The following SPATA31E1 variants were observed in gnomAD, a reference collection of about 807,000 sequenced individuals.
The protein encoded by SPATA31E1 is spermatogenesis-associated protein 31E1.
SPATA31E1 carries 7 observed loss-of-function variants against 12.9 expected under a neutral mutation model. The observed-to-expected ratio is 0.54, with a 90% CI of 0.31 to 1.02. The LOEUF is 1.02. SPATA31E1 is among the 50% of genes least tolerant of loss of function. SPATA31E1 has a pLI of 0.05. For missense variants in SPATA31E1, 1,961 were observed against 1,799.8 expected (o/e 1.09, Z -1.62); for synonymous variants, 771 against 719.0 (o/e 1.07, Z -1.16).
In SPATA31E1 at chr9:87,886,581, C is replaced by T; in HGVS notation, c.2094C>T (p.Ser698=). Residue 698 remains serine (S), a synonymous_variant, in exon 4 of 4, where the codon AGC becomes AGT. Transcript: ENST00000325643. The part of the protein sequence containing the change: ...RKDVQKTGFR[S]SGRFSDKGCL... ...ATGTGCAGAAGACCGGGTTCAGGAG[C>T]TCCGGAAGGTTCTCTGACAAGGGGT... 2.5e-6 allele frequency: 4 copies of T among 1,614,086 alleles called. No homozygotes were observed. The highest frequency in any genetic ancestry group is 3.4e-6 in the Non-Finnish European group (4 of 1,180,036).
rs199731518 is a variant in SPATA31E1, at chr9:87,888,591, T to C, written c.4104T>C (p.Arg1368=). 1.5e-5 allele frequency: 25 copies of C among 1,613,450 alleles called. No homozygotes were observed. In the East Asian group the frequency reaches 5.1e-4, roughly 33 times the overall value. ...ACAGGGGTCACTGCCACCAAGAACG[T>C]AGCAGAGAGATGAGAGCTCTGGCCT... ...CCHRGHCHQE[R]SREMRALACS... The change falls in exon 4 of 4, where the codon CGT becomes CGC. Residue 1368 remains arginine, a synonymous_variant. Coordinates refer to ENST00000325643, the MANE Select transcript of SPATA31E1 (RefSeq NM_178828.5).
chr9:87,887,693 C>T lies in SPATA31E1; in HGVS notation c.3206C>T (p.Ala1069Val), dbSNP rs1329090101. ...SVQEDLRSTG[A>V]LGTTGNPSAS... ...CAGGAGGATCTGAGGAGCACAGGGG[C>T]TCTGGGGACCACTGGTAACCCCTCA... is the stretch of plus-strand genomic sequence containing the variant. Residue 1069 changes from alanine (A) to valine (V), a missense_variant, in exon 4 of 4, where the codon GCT becomes GTT. Ala to Val is a moderately conservative substitution (Grantham distance 64). Transcript: ENST00000325643. The T allele has an allele frequency of 6.2e-7, 1 of 1,614,146 alleles. No homozygotes were observed. The highest frequency in any genetic ancestry group is 1.7e-5 in the Admixed American group (1 of 60,038).
At position 87,883,209 on chromosome 9, in the gene SPATA31E1, T is replaced by C. The variant is rs1247962393; in HGVS notation, c.309+9T>C. On this transcript the variant is annotated intron_variant, in intron 1 of 3. Transcript: ENST00000325643. ...AGAGGAGCAGCAGGGAGGTAAGGAGTCCTCAGCCCAGCCCCACAGAGAAAG... is the reference window on the plus strand; with the variant it reads ...AGAGGAGCAGCAGGGAGGTAAGGAGCCCTCAGCCCAGCCCCACAGAGAAAG... The C allele has an allele frequency of 6.4e-7, 1 of 1,564,986 alleles. No individual in the cohort carries two copies. The highest frequency in any genetic ancestry group is 8.7e-7 in the Non-Finnish European group (1 of 1,149,920).
In SPATA31E1 at chr9:87,886,771, G is replaced by A. The variant is rs777849330; in HGVS notation, c.2284G>A (p.Glu762Lys). 1 of 1,614,050 alleles carries A rather than the reference G, an allele frequency of 6.2e-7. No homozygotes were observed. The highest frequency in any genetic ancestry group is 8.5e-7 in the Non-Finnish European group (1 of 1,180,026). Residue 762 changes from glutamate (E) to lysine (K), a missense_variant, in exon 4 of 4, where the codon GAA becomes AAA. Coordinates refer to ENST00000325643, the MANE Select transcript of SPATA31E1 (RefSeq NM_178828.5). ...CAGGGACCCAGACAAGGAGCATCTG[G>A]AAAACAAGCTGCAAATCCATCTGGC... ...TPRDPDKEHL[E>K]NKLQIHLARK...
Position 87,883,209 on chromosome 9 carries a change from T to G in SPATA31E1, c.309+9T>G, listed in dbSNP as rs1247962393. ...AGAGGAGCAGCAGGGAGGTAAGGAG[T>G]CCTCAGCCCAGCCCCACAGAGAAAG... On this transcript the variant is annotated intron_variant, in intron 1 of 3. Coordinates refer to ENST00000325643, the MANE Select transcript of SPATA31E1 (RefSeq NM_178828.5). 2 of 1,564,870 alleles carry G rather than the reference T, an allele frequency of 1.3e-6. No individual in the cohort carries two copies. The highest frequency in any genetic ancestry group is 8.7e-7 in the Non-Finnish European group (1 of 1,149,928).
In SPATA31E1 at chr9:87,886,997, T is replaced by A. The variant is rs775758867; in HGVS notation, c.2510T>A (p.Val837Glu). 6 of 1,614,006 alleles carry A rather than the reference T, an allele frequency of 3.7e-6. No individual in the cohort carries two copies. In the East Asian group the frequency reaches 1.1e-4, roughly 30 times the overall value. The change falls in exon 4 of 4, where the codon GTA becomes GAA. Residue 837 changes from valine (V) to glutamate (E), a missense_variant. Physicochemically the swap from Val to Glu is moderately radical, Grantham distance 121 (BLOSUM62 -2). Transcript: ENST00000325643. ...CCCTGCACCCAGCAGATACTGGAAG[T>A]ACATCTTGTAAGGTTCTGTGTGAGG... ...LHPCTQQILE[V>E]HLVRFCVRHS...
In SPATA31E1 at chr9:87,887,281, A is replaced by AG; in HGVS notation, c.2796dup (p.Pro933AlafsTer9). ...ACCGCCTGAGCAGGAGGGAGTCCAG[A>AG]GGCCCCCGAGAGGGTCCCAGTCAGC... On this transcript the variant is annotated frameshift_variant, in exon 4 of 4. Coordinates refer to ENST00000325643, the MANE Select transcript of SPATA31E1 (RefSeq NM_178828.5). LOFTEE classifies it low-confidence loss of function (END_TRUNC). 6.2e-7 allele frequency: 1 copy of AG among 1,613,892 alleles called. No individual in the cohort carries two copies. The highest frequency in any genetic ancestry group is 8.5e-7 in the Non-Finnish European group (1 of 1,179,996).
In SPATA31E1 at chr9:87,885,390, TC is replaced by T; in HGVS notation, c.906del (p.Ile303SerfsTer49). 1 of 1,613,858 alleles carries T rather than the reference TC, an allele frequency of 6.2e-7. No homozygotes were observed. Among genetic ancestry groups the T allele is most frequent in the Non-Finnish European group, 8.5e-7 (1 of 1,179,892 alleles). ...VISGLGCSSD[P>X]IWDLYCWREA... ...TCTCTGGCCTGGGGTGCTCCAGCGA[TC>T]CCATCTGGGACCTCTATTGCTGGAG... On this transcript the variant is annotated frameshift_variant, in exon 4 of 4. Transcript: ENST00000325643. LOFTEE classifies it low-confidence loss of function (END_TRUNC).
At position 87,885,885 on chromosome 9, in the gene SPATA31E1, A is replaced by G; in HGVS notation, c.1398A>G (p.Ala466=). Residue 466 remains alanine (A), a synonymous_variant, in exon 4 of 4, where the codon GCA becomes GCG. Transcript: ENST00000325643. ...WVSRNPSSQN[A]HSVPLDKAST... is the part of the protein sequence containing the mutation. ...CTAGGAACCCTTCCTCACAGAATGC[A>G]CACTCTGTACCACTGGATAAAGCCT... 6.2e-7 allele frequency: 1 copy of G among 1,614,000 alleles called. No individual in the cohort carries two copies. The highest frequency in any genetic ancestry group is 8.5e-7 in the Non-Finnish European group (1 of 1,180,018).
intron 3 of SPATA31E1, 83 bp from the exon 4 acceptor site, chr9:87,884,830 C>T: frequency 6.7e-7 from 1 of 1,493,320 alleles, no homozygotes; most frequent in Admixed American, 2.0e-5. Flanking sequence ...GGTGGAGGAA[C>T]CGGGGGCCCC....
Position 87,888,287 on chromosome 9 carries a change from T to C in SPATA31E1, c.3800T>C (p.Ile1267Thr), listed in dbSNP as rs755200009. Reference sequence around the variant, plus strand: ...CCAGAAAGCCACTTCCAGAGAAAGATCAGTCACCATCCACAGGGTCTACAC... The same window carrying C: ...CCAGAAAGCCACTTCCAGAGAAAGACCAGTCACCATCCACAGGGTCTACAC... Reference protein sequence around the residue: ...TPPESHFQRKISHHPQGLHPR... With the variant: ...TPPESHFQRKTSHHPQGLHPR... Residue 1267 changes from isoleucine to threonine, a missense_variant, in exon 4 of 4, where the codon ATC becomes ACC. Transcript: ENST00000325643. The C allele has an allele frequency of 6.2e-7, 1 of 1,613,990 alleles. No individual in the cohort carries two copies. Among genetic ancestry groups the C allele is most frequent in the Non-Finnish European group, 8.5e-7 (1 of 1,180,006 alleles).
chr9:87,888,114 G>A lies in SPATA31E1; in HGVS notation c.3627G>A (p.Arg1209=). 1.2e-6 allele frequency: 2 copies of A among 1,605,392 alleles called. No homozygotes were observed. Among genetic ancestry groups the A allele is most frequent in the Non-Finnish European group, 1.7e-6 (2 of 1,175,782 alleles). ...CGGACAAGGGCGAGGCCCACAGGAG[G>A]CCCAGAACAGGGGAGCAGGGACACA... The part of the protein sequence containing the change: ...GCADKGEAHR[R]PRTGEQGHRS... Residue 1209 remains arginine, a synonymous_variant, in exon 4 of 4, where the codon AGG becomes AGA. Coordinates refer to ENST00000325643, the MANE Select transcript of SPATA31E1 (RefSeq NM_178828.5).
At position 87,888,396 on chromosome 9, in the gene SPATA31E1, C is replaced by T. The variant is rs768223589; in HGVS notation, c.3909C>T (p.Gly1303=). The change falls in exon 4 of 4, where the codon GGC becomes GGT. Residue 1303 remains glycine, a synonymous_variant. Transcript: ENST00000325643. The part of the protein sequence containing the change: ...GADAFQSWGS[G]PPRQFMDCMA... ...ATGCTTTCCAGAGCTGGGGGTCTGG[C>T]CCACCAAGGCAGTTTATGGACTGCA... 18 of 1,614,012 alleles carry T rather than the reference C, an allele frequency of 1.1e-5. No individual in the cohort carries two copies. In the African/African-American group the frequency reaches 2.3e-4, roughly 20 times the overall value.
rs781245201 is a variant in SPATA31E1, at chr9:87,885,454, C to A, written c.967C>A (p.His323Asn). 12 of 1,614,036 alleles carry A rather than the reference C, an allele frequency of 7.4e-6. No individual in the cohort carries two copies. Among genetic ancestry groups the A allele is most frequent in the Non-Finnish European group, 1.0e-5 (12 of 1,179,940 alleles). Residue 323 changes from histidine to asparagine, a missense_variant, in exon 4 of 4, where the codon CAT becomes AAT. Coordinates refer to ENST00000325643, the MANE Select transcript of SPATA31E1 (RefSeq NM_178828.5). Reference protein sequence around the residue: ...ATTWGLSTYSHGKSQPRHLPD... With the variant: ...ATTWGLSTYSNGKSQPRHLPD... ...CACCTGGGGCCTCTCCACCTACTCA[C>A]ATGGCAAATCCCAGCCACGGCATCT...
Position 87,884,634 on chromosome 9 carries a change from G to C in SPATA31E1, c.408G>C (p.Leu136=). The change falls in exon 3 of 4, where the codon CTG becomes CTC. Residue 136 remains leucine, a synonymous_variant. Transcript: ENST00000325643. The part of the protein sequence containing the change: ...LLRELEETRD[L]NYLLESHLRK... ...GGGAGCTGGAGGAGACTCGGGACCT[G>C]AACTACCTTCTGGAAAGGTGAGGAG... 6.2e-7 allele frequency: 1 copy of C among 1,614,132 alleles called. No homozygotes were observed. The highest frequency in any genetic ancestry group is 8.5e-7 in the Non-Finnish European group (1 of 1,180,000).
rs753614268 is a variant in SPATA31E1 at position 87,886,286 on chromosome 9, C to A, written c.1799C>A (p.Pro600His). The A allele has an allele frequency of 6.2e-7, 1 of 1,613,660 alleles. No homozygotes were observed. Among genetic ancestry groups the A allele is most frequent in the African/African-American group, 1.3e-5 (1 of 74,904 alleles). The change falls in exon 4 of 4, where the codon CCC (proline) becomes CAC (histidine). Residue 600 changes from proline to histidine, a missense_variant. Physicochemically the swap from Pro to His is moderately conservative, Grantham distance 77. Transcript: ENST00000325643. Reference sequence around the variant, plus strand: ...CTGAGCCAGCCCACTGCCCACCTTCCCCAAGAGAGGCCGGCCTCCTGGAGC... The same window carrying A: ...CTGAGCCAGCCCACTGCCCACCTTCACCAAGAGAGGCCGGCCTCCTGGAGC... ...AVLSQPTAHL[P>H]QERPASWSPK...
Position 87,885,243 on chromosome 9 carries a change from G to A in SPATA31E1, c.756G>A (p.Leu252=). Residue 252 remains leucine (L), a synonymous_variant, in exon 4 of 4, where the codon CTG becomes CTA. Transcript: ENST00000325643. Reference sequence around the variant, plus strand: ...CTTCACCACAGCCGCATGGTCCCCTGGCCTCCTCTCCACCTCCACCCGACT... The same window carrying A: ...CTTCACCACAGCCGCATGGTCCCCTAGCCTCCTCTCCACCTCCACCCGACT... ...FPPSPQPHGP[L]ASSPPPPDSS... is the part of the protein sequence containing the mutation. 6.2e-7 allele frequency: 1 copy of A among 1,614,052 alleles called. No homozygotes were observed. Among genetic ancestry groups the A allele is most frequent in the African/African-American group, 1.3e-5 (1 of 75,014 alleles).
In SPATA31E1 at chr9:87,886,905, G is replaced by T; in HGVS notation, c.2418G>T (p.Gly806=). 1.2e-6 allele frequency: 2 copies of T among 1,614,112 alleles called. No homozygotes were observed. The change falls in exon 4 of 4, where the codon GGG becomes GGT. Residue 806 remains glycine (G), a synonymous_variant. Transcript: ENST00000325643. ...VPKSDTHRKP[G]KLASWRGGKA... Reference sequence around the variant, plus strand: ...AGTCTGACACCCACAGGAAACCTGGGAAGCTGGCATCCTGGAGGGGTGGGA... The same window carrying T: ...AGTCTGACACCCACAGGAAACCTGGTAAGCTGGCATCCTGGAGGGGTGGGA...
At position 87,885,938 on chromosome 9, in the gene SPATA31E1, T is replaced by C; in HGVS notation, c.1451T>C (p.Val484Ala). 1.2e-6 allele frequency: 2 copies of C among 1,613,884 alleles called. No homozygotes were observed. The highest frequency in any genetic ancestry group is 1.7e-6 in the Non-Finnish European group (2 of 1,180,004). Residue 484 changes from valine (V) to alanine (A), a missense_variant, in exon 4 of 4, where the codon GTT (valine) becomes GCT (alanine). Coordinates refer to ENST00000325643, the MANE Select transcript of SPATA31E1 (RefSeq NM_178828.5). ...ACTTCTCTTCCAGGTGAACCTGAGGTTGAGGCATCCTCACAGCTTTCCCAG... is the reference window on the plus strand; with the variant it reads ...ACTTCTCTTCCAGGTGAACCTGAGGCTGAGGCATCCTCACAGCTTTCCCAG... ...ASTSLPGEPE[V>A]EASSQLSQAP...
Sources: allele counts gnomAD v4.1 joint callset, GRCh38; gene constraint gnomAD v4.1.1; transcripts MANE v1.5; gene names NCBI Gene and HGNC (gene_info 2026-07-23, HGNC 2026-07-21).